Variants in RPH3A observed in about 807,000 individuals in gnomAD.
RPH3A encodes the protein rabphilin 3A.
In RPH3A, 48 loss-of-function variants were observed where a neutral mutation model predicts 102.2. That is an observed-to-expected ratio of 0.47 (90% CI 0.37 to 0.60). RPH3A has a LOEUF of 0.60. Among genes scored for constraint, RPH3A ranks in the 20% least tolerant of loss-of-function variants. RPH3A has a pLI of 0.00. For missense variants in RPH3A, 781 were observed against 910.1 expected (o/e 0.86, Z 1.83); for synonymous variants, 310 against 324.3 (o/e 0.96, Z 0.47).
chr12:112,711,729 G>C (rs115085293), intron 1 of RPH3A, among the ~76,000 whole-genome samples: 24 of 152,322 alleles, frequency 1.6e-4, no homozygotes, highest in African/African-American at 5.5e-4. Context: ...CTGTTATCCA[G>C]TGCAGGTAGG....
rs1014534268 is a variant in RPH3A at position 112,582,915 on chromosome 12, A to G, written c.-140+7596A>G. Among the ~76,000 whole-genome samples, 5 of 151,548 alleles carry G rather than the reference A, an allele frequency of 3.3e-5. No homozygotes were observed. The East Asian group carries it at 7.7e-4, about 23-fold the overall frequency. On this transcript the variant is annotated intron_variant, in intron 1 of 21. Transcript: ENST00000543106. ...TTCATGAATATTTCTCCATCTTTTTATTTTCCTTGAGTTTATGGCTCTTTC... is the reference window on the plus strand; with the variant it reads ...TTCATGAATATTTCTCCATCTTTTTGTTTTCCTTGAGTTTATGGCTCTTTC...
At chr12:112,850,921 G>A (rs2042312353) in intron 5 of RPH3A, 1 of 152,128 alleles carries the variant, frequency 6.6e-6, no homozygotes, top group Non-Finnish European at 1.5e-5. Context: ...TCTGGTGAGG[G>A]GCCTCACACC....
intron 2 of RPH3A, among the ~76,000 whole-genome samples, chr12:112,814,989 G>T (rs1336728001): frequency 6.6e-6 from 1 of 152,204 alleles, no homozygotes. Context: ...GGCTTGGAGG[G>T]GCTGGGAGGC....
intron 1 of RPH3A, among the ~76,000 whole-genome samples, chr12:112,776,207 A>T (rs921858200): frequency 2.0e-5 from 3 of 152,208 alleles, no homozygotes; most frequent in African/African-American, 7.2e-5. Flanking sequence ...TGAGTGAAGA[A>T]GTCTGCTAAG....
chr12:112,846,922 C>G (rs2042239873), intron 4 of RPH3A, among the ~76,000 whole-genome samples: 1 of 152,182 alleles, frequency 6.6e-6, no homozygotes, highest in Non-Finnish European at 1.5e-5. Flanking sequence ...CCTGCCCCTG[C>G]CACTTGCCAG....
intron 1 of RPH3A, among the ~76,000 whole-genome samples, chr12:112,764,710 T>C (rs2040876488): frequency 6.6e-6 from 1 of 152,108 alleles, no homozygotes; most frequent in Non-Finnish European, 1.5e-5. Context: ...TTTTTTGCAA[T>C]GGCTATATCT....
intron 1 of RPH3A, among the ~76,000 whole-genome samples, chr12:112,629,289 A>T (rs2039787203): frequency 6.6e-6 from 1 of 152,056 alleles, no homozygotes; most frequent in Non-Finnish European, 1.5e-5. Flanking sequence ...TCCTCCAAGA[A>T]ATTAACCTGC....
chr12:112,896,666 G>A lies in RPH3A; in HGVS notation c.1971G>A (p.Gly657=), dbSNP rs138001816. ...ATCCTCCAGGAGGCTGCCAGCTGGG[G>A]ATCTCTGCCAAGGGAGAGCGCTTAA... ...SNDYIGGCQL[G]ISAKGERLKH... The change falls in exon 22 of 22, where the codon GGG becomes GGA. Residue 657 remains glycine (G), a synonymous_variant. Transcript: ENST00000389385. 7 of 1,613,966 alleles carry A rather than the reference G, an allele frequency of 4.3e-6. No individual in the cohort carries two copies. In the African/African-American group the frequency reaches 8.0e-5, roughly 18 times the overall value.
intron 1 of RPH3A, among the ~76,000 whole-genome samples, chr12:112,661,779 A>G (rs1449723965): frequency 6.6e-6 from 1 of 151,582 alleles, no homozygotes; most frequent in Non-Finnish European, 1.5e-5. Context: ...CAATTAAGGA[A>G]GTGATTTTGG....
At chr12:112,577,853 GT>G (rs1157959316) in intron 1 of RPH3A, among the ~76,000 whole-genome samples, 1 of 152,030 alleles carries the variant, frequency 6.6e-6, no homozygotes, top group African/African-American at 2.4e-5. Flanking sequence ...TAGGCTTCAA[GT>G]TTTTTGGGAG....
intron 2 of RPH3A, among the ~76,000 whole-genome samples, chr12:112,825,081 G>C (rs1050189464): frequency 6.6e-6 from 1 of 152,122 alleles, no homozygotes; most frequent in African/African-American, 2.4e-5. Flanking sequence ...ACTCAGCAGG[G>C]GCCAGAGGTC....
At chr12:112,823,361 A>G (rs938719072) in intron 2 of RPH3A, among the ~76,000 whole-genome samples, 2 of 152,208 alleles carry the variant, frequency 1.3e-5, no homozygotes, top group Non-Finnish European at 2.9e-5. Flanking sequence ...CTGAGCCTGA[A>G]TTTTCTTACC....
At chr12:112,727,749 G>T (rs555971718) in intron 1 of RPH3A, among the ~76,000 whole-genome samples, 1 of 152,244 alleles carries the variant, frequency 6.6e-6, no homozygotes, top group African/African-American at 2.4e-5. Flanking sequence ...TATATAGTTT[G>T]TGTTCCTAGG....
intron 1 of RPH3A, among the ~76,000 whole-genome samples, chr12:112,680,033 G>T (rs1375331570): frequency 6.6e-6 from 1 of 152,210 alleles, no homozygotes; most frequent in Non-Finnish European, 1.5e-5. Context: ...GCAGAGGGAA[G>T]TATGTTCCAG....
At chr12:112,853,794 C>T (rs535204663) in intron 5 of RPH3A, among the ~76,000 whole-genome samples, 5 of 151,734 alleles carry the variant, frequency 3.3e-5, no homozygotes, top group Non-Finnish European at 7.4e-5. Context: ...TGACACTGCA[C>T]TCCAGCCTGG....
chr12:112,587,483 C>T (rs372194156), intron 1 of RPH3A, among the ~76,000 whole-genome samples: 1 of 152,212 alleles, frequency 6.6e-6, no homozygotes, highest in African/African-American at 2.4e-5. Context: ...TAGAGTTAGT[C>T]CAGTTTCATT....
chr12:112,645,123 T>C (rs1858094136), intron 1 of RPH3A, among the ~76,000 whole-genome samples: 2 of 152,090 alleles, frequency 1.3e-5, no homozygotes, highest in Admixed American at 6.6e-5. Flanking sequence ...ACCGTGAGAG[T>C]TGTTCAAAAA....
chr12:112,684,906 T>C (rs953310275), intron 1 of RPH3A, among the ~76,000 whole-genome samples: 1 of 152,206 alleles, frequency 6.6e-6, no homozygotes, highest in African/African-American at 2.4e-5. Context: ...TCTTCATAGA[T>C]GGTTTCTTCT....
At position 112,698,793 on chromosome 12, in the gene RPH3A, G is replaced by A. The variant is rs79666993; in HGVS notation, c.-139-93350G>A. On this transcript the variant is annotated intron_variant, in intron 1 of 21. Coordinates refer to the RPH3A transcript ENST00000543106. ...AATGGTGTAGCCACTGCAGAAAACGGTAGGATAGTTTTCCCCTCCTTCTCC... is the reference window on the plus strand; with the variant it reads ...AATGGTGTAGCCACTGCAGAAAACGATAGGATAGTTTTCCCCTCCTTCTCC... 1.2e-3 allele frequency among the ~76,000 whole-genome samples: 177 copies of A among 152,228 alleles called. 2 individuals carry two copies. In the East Asian group the frequency reaches 0.018, roughly 15 times the overall value.
Sources: gnomAD v4.1 joint callset for allele counts (sites outside exome capture counted in the v4.1 genomes callset) on GRCh38, gnomAD v4.1.1 for gene constraint, MANE v1.5 for transcripts, NCBI Gene and HGNC (gene_info 2026-07-23, HGNC 2026-07-21) for gene names.